SSH2: variants seen among roughly 807,000 people sequenced by gnomAD.
SSH2 encodes protein phosphatase Slingshot homolog 2.
A neutral mutation model predicts 135.2 loss-of-function variants in SSH2; 37 were observed. The ratio of observed to expected loss-of-function variants is 0.27; its 90% confidence interval spans 0.21 to 0.36. The LOEUF is 0.36. Ranked by LOEUF, SSH2 falls within the 10% of genes least tolerant of loss-of-function variation. SSH2 has a pLI of 1.00. For synonymous variants in SSH2, 628 were observed against 646.2 expected (o/e 0.97, Z 0.43); for missense variants, 1,408 against 1,765.3 (o/e 0.80, Z 3.63).
At chr17:29,680,609 A>G (rs1361870760) in intron 6 of SSH2, among the ~76,000 whole-genome samples, 1 of 148,578 alleles carries the variant, frequency 6.7e-6, no homozygotes, top group Non-Finnish European at 1.5e-5. Context: ...GGAGATTCAA[A>G]TCAAGACTGA....
At chr17:29,635,550 G>GC (rs1433690597) in intron 15 of SSH2, among the ~76,000 whole-genome samples, 10 of 35,284 alleles carry the variant, frequency 2.8e-4, no homozygotes. Context: ...GACTACAGGC[G>GC]CCGCCCGCCA....
At chr17:29,797,226 ACTG>A (rs1271842894) in intron 2 of SSH2, among the ~76,000 whole-genome samples, 4 of 152,116 alleles carry the variant, frequency 2.6e-5, no homozygotes, top group Non-Finnish European at 5.9e-5. Flanking sequence ...CGTAATTCAA[ACTG>A]CTATCAAGAA....
Position 29,657,574 on chromosome 17 carries a change from GT to G in SSH2, c.1033-1968del, listed in dbSNP as rs764763821. Among the ~76,000 whole-genome samples, 229 of 80,056 alleles carry G rather than the reference GT, an allele frequency of 2.9e-3. 1 individual carries two copies. Among genetic ancestry groups the G allele is most frequent in the South Asian group, 7.7e-3 (15 of 1,952 alleles). The allele number at this position is 80,056 out of a possible 152,430, so 52.5% of individuals were successfully genotyped here. ...GTGAGCCACTGTGCCCGGCTACTTT[GT>G]TTTTTTTTTTTTTTTTTTTTTTTAG... On this transcript the variant is annotated intron_variant, in intron 11 of 15. Transcript: ENST00000540801.
intron 11 of SSH2, among the ~76,000 whole-genome samples, chr17:29,656,238 G>A (rs1567848954): frequency 6.6e-6 from 1 of 152,094 alleles, no homozygotes; most frequent in South Asian, 2.1e-4. Context: ...ATGCAATGGC[G>A]TGATCTCGGT....
chr17:29,762,816 G>A (rs931418483), intron 3 of SSH2, among the ~76,000 whole-genome samples: 1 of 152,102 alleles, frequency 6.6e-6, no homozygotes. Flanking sequence ...GTCTCATTAT[G>A]CTACAGCAAA....
At chr17:29,904,261 T>G (rs1473204390) in intron 1 of SSH2, among the ~76,000 whole-genome samples, 1 of 152,196 alleles carries the variant, frequency 6.6e-6, no homozygotes, top group Non-Finnish European at 1.5e-5. Context: ...AATAAAATAC[T>G]GGCAAACTGA....
At chr17:29,816,756 T>C (rs1484193799) in intron 2 of SSH2, among the ~76,000 whole-genome samples, 2 of 151,710 alleles carry the variant, frequency 1.3e-5, no homozygotes, top group Non-Finnish European at 2.9e-5. Context: ...AGGAGAAAAT[T>C]TGGAGTCAGA....
chr17:29,890,594 A>G (rs1841893212), intron 1 of SSH2, among the ~76,000 whole-genome samples: 1 of 152,140 alleles, frequency 6.6e-6, no homozygotes, highest in South Asian at 2.1e-4. Context: ...AGTTATAGAG[A>G]CAGAGATTAG....
At chr17:29,769,367 C>T (rs2041518161) in intron 3 of SSH2, among the ~76,000 whole-genome samples, 1 of 152,162 alleles carries the variant, frequency 6.6e-6, no homozygotes, top group Non-Finnish European at 1.5e-5. Flanking sequence ...TTCTTCTCTA[C>T]TTGATCCTAC....
intron 1 of SSH2, among the ~76,000 whole-genome samples, chr17:29,873,513 C>T (rs1377064344): frequency 2.0e-5 from 3 of 151,624 alleles, no homozygotes; most frequent in Non-Finnish European, 4.4e-5. Context: ...GACCTGAGCT[C>T]GCCCTGCTGC....
intron 1 of SSH2, among the ~76,000 whole-genome samples, chr17:29,904,389 A>G (rs1041935834): frequency 3.3e-5 from 5 of 152,240 alleles, no homozygotes; most frequent in African/African-American, 1.2e-4. Flanking sequence ...AAACAGAACT[A>G]AAGACAAAAA....
intron 3 of SSH2, among the ~76,000 whole-genome samples, chr17:29,722,273 C>CAA (rs541297774): frequency 7.5e-5 from 7 of 92,828 alleles, no homozygotes; most frequent in South Asian, 3.7e-4. Context: ...GACATTATCT[C>CAA]AAAAAAAAAA....
intron 1 of SSH2, among the ~76,000 whole-genome samples, chr17:29,883,361 G>A (rs977888639): frequency 6.6e-6 from 1 of 152,072 alleles, no homozygotes; most frequent in African/African-American, 2.4e-5. Flanking sequence ...CTTAACAGCT[G>A]TAAAAAGAAG....
chr17:29,684,483 TAA>T (rs11307211), intron 6 of SSH2, 78 bp downstream of exon 6: 148,786 of 939,286 alleles, frequency 0.16, 1,931 homozygotes, highest in East Asian at 0.22. Flanking sequence ...CCGTCCCCAT[TAA>T]AAAAAAAAAA....
intron 5 of SSH2, among the ~76,000 whole-genome samples, chr17:29,690,012 C>CAAAAA (rs946244880): frequency 2.9e-4 from 9 of 31,306 alleles, no homozygotes; most frequent in African/African-American, 5.9e-4. Flanking sequence ...AGATCCATCT[C>CAAAAA]AAAAAAAAAA....
At chr17:29,694,809 G>A (rs1274821946) in intron 5 of SSH2, among the ~76,000 whole-genome samples, 1 of 152,128 alleles carries the variant, frequency 6.6e-6, no homozygotes, top group Non-Finnish European at 1.5e-5. Flanking sequence ...GAGACCTCCA[G>A]TTTACAGCAC....
intron 3 of SSH2, among the ~76,000 whole-genome samples, chr17:29,787,283 C>T (rs2151296902): frequency 6.6e-6 from 1 of 152,270 alleles, no homozygotes; most frequent in South Asian, 2.1e-4. Context: ...CATTTTTACC[C>T]ACGTTGTGGC....
At chr17:29,650,616 G>A (rs1567844336) in intron 13 of SSH2, 38 bp downstream of exon 13, 1 of 1,572,484 alleles carries the variant, frequency 6.4e-7, no homozygotes. Flanking sequence ...GGGGCAAGAG[G>A]AACAGAGATC....
intron 12 of SSH2, among the ~76,000 whole-genome samples, chr17:29,652,204 A>T (rs2036605714): frequency 6.6e-6 from 1 of 152,220 alleles, no homozygotes; most frequent in African/African-American, 2.4e-5. Flanking sequence ...CCAAGGGTAA[A>T]CACAAAATTA....
Sources: allele counts gnomAD v4.1 joint callset (sites outside exome capture counted in the v4.1 genomes callset), GRCh38; gene constraint gnomAD v4.1.1; transcripts MANE v1.5; gene names NCBI Gene and HGNC (gene_info 2026-07-23, HGNC 2026-07-21).